The following FARS2 variants were observed in gnomAD, a reference collection of about 807,000 sequenced individuals.
FARS2 encodes phenylalanine--tRNA ligase, mitochondrial.
Under a neutral mutation model 46.4 loss-of-function variants are expected in FARS2, and 40 were observed. That is an observed-to-expected ratio of 0.86 (90% CI 0.67 to 1.12). FARS2 has a LOEUF of 1.12. Among genes scored for constraint, FARS2 ranks in the 50% most tolerant of loss-of-function variants. FARS2 has a pLI of 0.00. For missense variants in FARS2, 513 were observed against 567.9 expected (o/e 0.90, Z 0.98); for synonymous variants, 234 against 214.9 (o/e 1.09, Z -0.78).
At chr6:5,353,729 T>TTG (rs1375988099) in intron 1 of FARS2, among the ~76,000 whole-genome samples, 83 of 139,086 alleles carry the variant, frequency 6.0e-4, no homozygotes, top group Middle Eastern at 3.7e-3. Context: ...ATTTGGTGTT[T>TTG]TTTTTTTTTT....
chr6:5,359,409 C>G (rs1758161505), intron 1 of FARS2, among the ~76,000 whole-genome samples: 2 of 152,090 alleles, frequency 1.3e-5, no homozygotes, highest in African/African-American at 4.8e-5. Flanking sequence ...GAATTGCTTC[C>G]CTCACTACTT....
rs1195253848 is a variant in FARS2, at chr6:5,727,487, G to A, written c.1218-43804G>A. On this transcript the variant is annotated intron_variant, in intron 6 of 6. Transcript: ENST00000274680. This position sits in a 1 kb window ranked among gnomAD's most constrained non-coding sequence, Gnocchi z 4.1. ...TGTTTAAATAAAATGCCACGCTAGC[G>A]GGTTTCGGGTAACTGAAGAAAGTGC... Among the ~76,000 whole-genome samples, 7 of 152,188 alleles carry A rather than the reference G, an allele frequency of 4.6e-5. No homozygotes were observed. Among genetic ancestry groups the A allele is most frequent in the East Asian group, 3.8e-4 (2 of 5,206 alleles).
At chr6:5,479,026 AGTTT>A (rs1436951650) in intron 4 of FARS2, among the ~76,000 whole-genome samples, 6 of 152,214 alleles carry the variant, frequency 3.9e-5, no homozygotes, top group African/African-American at 1.2e-4. Context: ...AAAAGCAATT[AGTTT>A]GTTTGTTATG....
intron 1 of FARS2, among the ~76,000 whole-genome samples, chr6:5,265,891 C>G (rs559120322): frequency 6.6e-6 from 1 of 152,316 alleles, no homozygotes; most frequent in Admixed American, 6.5e-5. Flanking sequence ...CTCAGACCAA[C>G]AGCAGTGCTA....
intron 4 of FARS2, among the ~76,000 whole-genome samples, 196 bp from the exon 5 acceptor site, chr6:5,544,984 T>G (rs1026021221): frequency 6.6e-6 from 1 of 152,164 alleles, no homozygotes; most frequent in African/African-American, 2.4e-5. Context: ...AATCCGTTCA[T>G]GAGGGCAGTC....
chr6:5,477,526 G>A (rs879263283), intron 4 of FARS2, among the ~76,000 whole-genome samples: 1 of 152,150 alleles, frequency 6.6e-6, no homozygotes. Flanking sequence ...GCATCTCCAG[G>A]ACATATAACA....
intron 2 of FARS2, among the ~76,000 whole-genome samples, chr6:5,373,078 A>G (rs2127652728): frequency 6.6e-6 from 1 of 152,284 alleles, no homozygotes; most frequent in South Asian, 2.1e-4. Context: ...ATGCATGGGA[A>G]GTCACAATGA....
chr6:5,641,854 T>G (rs962643821), intron 6 of FARS2, among the ~76,000 whole-genome samples: 3 of 152,206 alleles, frequency 2.0e-5, no homozygotes, highest in African/African-American at 7.2e-5. Flanking sequence ...TTAGAAAAGC[T>G]TTCATGATGC....
chr6:5,303,376 G>A (rs1467857530), intron 1 of FARS2, among the ~76,000 whole-genome samples: 1 of 152,192 alleles, frequency 6.6e-6, no homozygotes, highest in Non-Finnish European at 1.5e-5. Flanking sequence ...GAGTGGGACT[G>A]GTGCCTGGAC....
chr6:5,390,751 G>T (rs575453781), intron 2 of FARS2, among the ~76,000 whole-genome samples: 2 of 152,156 alleles, frequency 1.3e-5, no homozygotes, highest in East Asian at 3.8e-4. Context: ...TCAAGCCCGG[G>T]TGTCCTAATA....
chr6:5,315,761 T>TCTTTCTTCC (rs1561952069), intron 1 of FARS2, among the ~76,000 whole-genome samples: 1 of 132,632 alleles, frequency 7.5e-6, no homozygotes, highest in Non-Finnish European at 1.6e-5. Flanking sequence ...TTTCTTTCTT[T>TCTTTCTTCC]TTTTTGGGGA....
intron 6 of FARS2, among the ~76,000 whole-genome samples, chr6:5,639,825 C>G (rs1776722091): frequency 6.6e-6 from 1 of 152,166 alleles, no homozygotes; most frequent in Admixed American, 6.5e-5. Flanking sequence ...CCTGTTGCTG[C>G]CTGTCACATC....
chr6:5,555,866 T>C (rs571354180), intron 5 of FARS2, among the ~76,000 whole-genome samples: 2 of 152,268 alleles, frequency 1.3e-5, no homozygotes, highest in South Asian at 4.1e-4. Flanking sequence ...TCAGTAAGCA[T>C]TGTTGACTTA....
At position 5,308,240 on chromosome 6, in the gene FARS2, A is replaced by T. The variant is rs13197047; in HGVS notation, c.-22+46580A>T. 1.2e-3 allele frequency among the ~76,000 whole-genome samples: 179 copies of T among 152,326 alleles called. No individual in the cohort carries two copies. In the Middle Eastern group the frequency reaches 0.014, roughly 12 times the overall value. On this transcript the variant is annotated intron_variant, in intron 1 of 6. Coordinates refer to ENST00000274680, the MANE Select transcript of FARS2 (RefSeq NM_006567.5). The stretch of plus-strand genomic sequence containing the variant: ...GCCTGGATGTTTACAAGGAAGACCT[A>T]GGTGAAGTCACAGAAGCAGGAAGGA...
chr6:5,357,332 G>GA (rs1445166398), intron 1 of FARS2, among the ~76,000 whole-genome samples: 2 of 152,166 alleles, frequency 1.3e-5, no homozygotes, highest in African/African-American at 4.8e-5. Context: ...ATTTGATTTG[G>GA]AAAAACATTC....
chr6:5,664,431 C>T (rs923395760), intron 6 of FARS2, among the ~76,000 whole-genome samples: 1 of 152,138 alleles, frequency 6.6e-6, no homozygotes, highest in African/African-American at 2.4e-5. Flanking sequence ...GGGCATGGAT[C>T]CCTCGCCCAG....
intron 4 of FARS2, among the ~76,000 whole-genome samples, chr6:5,496,427 G>C (rs765422647): frequency 3.3e-5 from 5 of 152,212 alleles, no homozygotes; most frequent in Non-Finnish European, 7.3e-5. Flanking sequence ...CTTGACATCT[G>C]TGTAGAGCAT....
intron 6 of FARS2, among the ~76,000 whole-genome samples, chr6:5,647,276 C>A (rs1328778708): frequency 1.3e-5 from 2 of 152,176 alleles, no homozygotes; most frequent in Non-Finnish European, 1.5e-5. Flanking sequence ...TCTTCTTCAT[C>A]TCTGTTCCCT....
intron 1 of FARS2, among the ~76,000 whole-genome samples, chr6:5,354,614 T>C (rs576902124): frequency 2.0e-5 from 3 of 151,536 alleles, no homozygotes; most frequent in South Asian, 2.1e-4. Flanking sequence ...CCCAGGTTCA[T>C]GCCATTCTCC....
Sources: gnomAD v4.1 joint callset for allele counts (sites outside exome capture counted in the v4.1 genomes callset) on GRCh38, gnomAD v4.1.1 for gene constraint, Gnocchi (gnomAD v3.1) non-coding constraint, MANE v1.5 for transcripts, NCBI Gene and HGNC (gene_info 2026-07-23, HGNC 2026-07-21) for gene names.